The following SHOC1 variants were observed in gnomAD, a reference collection of about 807,000 sequenced individuals.
The protein encoded by SHOC1 is shortage in chiasmata 1.
In SHOC1, 136 loss-of-function variants were observed where a neutral mutation model predicts 179.2. The observed-to-expected ratio is 0.76, with a 90% CI of 0.66 to 0.87. SHOC1 has a LOEUF of 0.87. Ranked by LOEUF, SHOC1 falls within the 40% of genes least tolerant of loss-of-function variation. The probability of loss-of-function intolerance (pLI) is 0.00; values close to 1 mark genes in which losing one functional copy is unlikely to be tolerated. For synonymous variants in SHOC1, 489 were observed against 586.6 expected (o/e 0.83, Z 2.41); for missense variants, 1,538 against 1,700.8 (o/e 0.90, Z 1.68).
In SHOC1 at chr9:111,734,524, T is replaced by A. The variant is rs111807921; in HGVS notation, c.1417+3756A>T. On this transcript the variant is annotated intron_variant, in intron 12 of 27. Transcript: ENST00000682961. ...GTTCTCTTTCCTAGCCAACCAAATA[T>A]CTTTGTCTTCTGTCTTTCTAAAAAA... Among the ~76,000 whole-genome samples, 31 of 152,320 alleles carry A rather than the reference T, an allele frequency of 2.0e-4. 1 individual carries two copies. The highest frequency in any genetic ancestry group is 7.5e-4 in the African/African-American group (31 of 41,572).
At chr9:111,769,306 G>A (rs958144824) in intron 5 of SHOC1, among the ~76,000 whole-genome samples, 13 of 152,058 alleles carry the variant, frequency 8.5e-5, no homozygotes, top group African/African-American at 3.1e-4. Context: ...CTCTTCAATT[G>A]TTTAGAAGCA....
chr9:111,757,310 G>C (rs1344359870), intron 7 of SHOC1, among the ~76,000 whole-genome samples: 1 of 152,112 alleles, frequency 6.6e-6, no homozygotes, highest in African/African-American at 2.4e-5. Flanking sequence ...CACCATGTTA[G>C]CCAGGATGGT....
At chr9:111,787,269 T>C (rs940323393) in intron 2 of SHOC1, among the ~76,000 whole-genome samples, 22 of 152,222 alleles carry the variant, frequency 1.4e-4, no homozygotes, top group Admixed American at 6.5e-4. Context: ...TGTAAGGATA[T>C]AGCTGCCATA....
In SHOC1 at chr9:111,691,467, C is replaced by CA. The variant is rs370909809; in HGVS notation, c.4426+83dup. The CA allele has an allele frequency of 2.8e-4, 381 of 1,362,416 alleles. 2 individuals carry two copies. Among genetic ancestry groups the CA allele is most frequent in the African/African-American group, 2.2e-3 (149 of 67,704 alleles). The allele number at this position is 1,362,416 out of a possible 1,614,324, so 84.4% of individuals were successfully genotyped here. On this transcript the variant is annotated intron_variant, in intron 27 of 27. Transcript: ENST00000682961. Reference sequence around the variant, plus strand: ...AGTTTTTTAAATGTAGTAATTAAAACAAAAAAAATGTTAAATTTGGAGATG... The same window carrying CA: ...AGTTTTTTAAATGTAGTAATTAAAACAAAAAAAAATGTTAAATTTGGAGATG...
intron 12 of SHOC1, among the ~76,000 whole-genome samples, chr9:111,731,506 G>T (rs1438630888): frequency 6.6e-6 from 1 of 152,124 alleles, no homozygotes; most frequent in Non-Finnish European, 1.5e-5. Flanking sequence ...AGAGATAAGG[G>T]AACAGCTGGT....
intron 3 of SHOC1, among the ~76,000 whole-genome samples, chr9:111,783,798 C>T (rs1836166008): frequency 6.6e-6 from 1 of 152,168 alleles, no homozygotes; most frequent in African/African-American, 2.4e-5. Flanking sequence ...TTATTACTTA[C>T]AGATAGGTAA....
intron 5 of SHOC1, chr9:111,759,100 G>A (rs1043253528): frequency 6.6e-7 from 1 of 1,518,896 alleles, no homozygotes; most frequent in Non-Finnish European, 8.9e-7. Flanking sequence ...AGCTGTAACG[G>A]CTAATACTTT....
chr9:111,769,975 G>GTTTTTTTTTTTTTTTTTTTTTTTTTTTT lies in SHOC1; in HGVS notation c.442+5815_442+5816insAAAAAAAAAAAAAAAAAAAAAAAAAAAA. Among the ~76,000 whole-genome samples, 36 of 87,802 alleles carry GTTTTTTTTTTTTTTTTTTTTTTTTTTTT rather than the reference G, an allele frequency of 4.1e-4. 2 individuals carry two copies. Among genetic ancestry groups the GTTTTTTTTTTTTTTTTTTTTTTTTTTTT allele is most frequent in the Non-Finnish European group, 5.9e-4 (27 of 45,750 alleles). The allele number at this position is 87,802 out of a possible 152,430, so 57.6% of individuals were successfully genotyped here. On this transcript the variant is annotated intron_variant, in intron 5 of 27. Transcript: ENST00000682961. ...AATCTAGCGAAAGGTTTTATCTTCT[G>GTTTTTTTTTTTTTTTTTTTTTTTTTTTT]TTTTTTTTTTGTTTTTTTTTTTTTT... is the stretch of plus-strand genomic sequence containing the variant.
intron 15 of SHOC1, among the ~76,000 whole-genome samples, 168 bp downstream of exon 15, chr9:111,722,241 A>G (rs1249481907): frequency 6.6e-6 from 1 of 152,150 alleles, no homozygotes; most frequent in African/African-American, 2.4e-5. Flanking sequence ...CTTTTTCTCT[A>G]CTTAGCTGAT....
At chr9:111,759,065 G>A (rs1306890072) in intron 5 of SHOC1, 4 of 1,361,404 alleles carry the variant, frequency 2.9e-6, no homozygotes, top group Non-Finnish European at 4.0e-6. Flanking sequence ...CTAGGACACC[G>A]AGGAATAGCC....
chr9:111,746,775 T>C (rs1340418794), intron 9 of SHOC1, among the ~76,000 whole-genome samples: 1 of 152,200 alleles, frequency 6.6e-6, no homozygotes, highest in Non-Finnish European at 1.5e-5. Flanking sequence ...AAAAGAAATT[T>C]GAGTTGAGAT....
At chr9:111,705,030 G>A (rs961250855) in intron 21 of SHOC1, among the ~76,000 whole-genome samples, 11 of 152,134 alleles carry the variant, frequency 7.2e-5, no homozygotes, top group Admixed American at 2.6e-4. Context: ...CAATAATTAT[G>A]AGGGTGTAGT....
intron 8 of SHOC1, among the ~76,000 whole-genome samples, chr9:111,754,948 T>C (rs1163671232): frequency 6.6e-6 from 1 of 152,242 alleles, no homozygotes; most frequent in African/African-American, 2.4e-5. Context: ...AAGGATGTTA[T>C]GGCTTGAGAT....
intron 4 of SHOC1, among the ~76,000 whole-genome samples, chr9:111,778,978 A>C (rs1157135047): frequency 6.6e-6 from 1 of 151,918 alleles, no homozygotes; most frequent in Non-Finnish European, 1.5e-5. Flanking sequence ...GCATGCCTGT[A>C]ATTCCGGCTA....
At chr9:111,791,522 C>T (rs570119839) in intron 1 of SHOC1, 68 bp from the exon 2 acceptor site, 2 of 644,056 alleles carry the variant, frequency 3.1e-6, no homozygotes, top group South Asian at 8.6e-5. Flanking sequence ...ATCTCAATCA[C>T]AAAACTTTGG....
chr9:111,776,077 A>G, intron 4 of SHOC1, 102 bp from the exon 5 acceptor site: 1 of 791,762 alleles, frequency 1.3e-6, no homozygotes, highest in Non-Finnish European at 2.0e-6. Flanking sequence ...TCAAATTCCA[A>G]CAGACACAGA....
chr9:111,713,262 T>C (rs1205345362), intron 17 of SHOC1, 90 bp from the exon 18 acceptor site: 1 of 651,190 alleles, frequency 1.5e-6, no homozygotes, highest in Non-Finnish European at 2.6e-6. Flanking sequence ...CTTTAATTGG[T>C]TCTATGAAAC....
Position 111,758,149 on chromosome 9 carries a change from C to T in SHOC1, c.643G>A (p.Asp215Asn). The change falls in exon 7 of 28, where the codon GAT becomes AAT. Residue 215 changes from aspartate (D) to asparagine (N), a missense_variant. Asp to Asn is a conservative substitution (Grantham distance 23, BLOSUM62 1). Transcript: ENST00000682961. Reference sequence around the variant, plus strand: ...AAGTTCACTTTATCCATACAAAAATCTTCTTTCACAAAAGCTTCCAAAGTT... The same window carrying T: ...AAGTTCACTTTATCCATACAAAAATTTTCTTTCACAAAAGCTTCCAAAGTT... The part of the protein sequence containing the change: ...QETLEAFVKE[D>N]FCMDKVNFCQ... The T allele has an allele frequency of 6.3e-7, 1 of 1,589,250 alleles. No homozygotes were observed. The highest frequency in any genetic ancestry group is 8.6e-7 in the Non-Finnish European group (1 of 1,167,116).
chr9:111,730,084 G>A (rs532551939), intron 12 of SHOC1, among the ~76,000 whole-genome samples: 32 of 152,172 alleles, frequency 2.1e-4, no homozygotes, highest in African/African-American at 7.7e-4. Flanking sequence ...TCAAGTTTTG[G>A]CATGAGATTG....
Sources: allele counts gnomAD v4.1 joint callset (sites outside exome capture counted in the v4.1 genomes callset), GRCh38; gene constraint gnomAD v4.1.1; transcripts MANE v1.5; gene names NCBI Gene and HGNC (gene_info 2026-07-23, HGNC 2026-07-21).